The following FSTL5 variants were observed in gnomAD, a reference collection of about 807,000 sequenced individuals.
FSTL5 encodes the protein follistatin-related protein 5.
A neutral mutation model predicts 89.1 loss-of-function variants in FSTL5; 62 were observed. That is an observed-to-expected ratio of 0.70 (90% CI 0.57 to 0.86). The LOEUF (loss-of-function observed/expected upper bound fraction) is 0.86, where lower values mean the gene tolerates loss of function less well. Among genes scored for constraint, FSTL5 ranks in the 40% least tolerant of loss-of-function variants. FSTL5 has a pLI of 0.00. For synonymous variants in FSTL5, 383 were observed against 346.2 expected, an observed-to-expected ratio of 1.11 and a Z score of -1.18; for missense variants, 1,057 against 1,001.6, an observed-to-expected ratio of 1.06 and a Z score of -0.75.
intron 4 of FSTL5, among the ~76,000 whole-genome samples, chr4:161,778,720 C>T (rs1741512301): frequency 6.6e-6 from 1 of 152,158 alleles, no homozygotes; most frequent in African/African-American, 2.4e-5. Context: ...AATATGTTTT[C>T]ATAACAGCAA....
At chr4:162,114,974 G>A (rs918864042) in intron 1 of FSTL5, among the ~76,000 whole-genome samples, 1 of 152,052 alleles carries the variant, frequency 6.6e-6, no homozygotes, top group Non-Finnish European at 1.5e-5. Flanking sequence ...TTTATGATAT[G>A]ACTGGATTGA....
chr4:161,521,345 TACTC>T (rs1731013695), intron 10 of FSTL5, among the ~76,000 whole-genome samples: 1 of 152,102 alleles, frequency 6.6e-6, no homozygotes, highest in Non-Finnish European at 1.5e-5. Flanking sequence ...TTCCTGTAAT[TACTC>T]ACATACATCT....
chr4:161,775,915 T>C lies in FSTL5; in HGVS notation c.569A>G (p.Asp190Gly). Residue 190 changes from aspartate to glycine, a missense_variant, in exon 5 of 16, where the codon GAC becomes GGC. By Grantham distance (94) the Asp-to-Gly change is moderately conservative. Coordinates refer to ENST00000306100, the MANE Select transcript of FSTL5 (RefSeq NM_020116.5). ...ATTAATATCTACAAGTCCATTACTG[T>C]CTGCATCAAAATATTTAAACATTTG... ...VDQMFKYFDA[D>G]SNGLVDINEL... 1 of 1,598,032 alleles carries C rather than the reference T, an allele frequency of 6.3e-7. No individual in the cohort carries two copies. The highest frequency in any genetic ancestry group is 8.5e-7 in the Non-Finnish European group (1 of 1,172,642).
chr4:162,051,363 A>T (rs1738373828), intron 2 of FSTL5, among the ~76,000 whole-genome samples: 1 of 151,584 alleles, frequency 6.6e-6, no homozygotes, highest in African/African-American at 2.4e-5. Flanking sequence ...ATAGATCAAC[A>T]AATTGTTTTG....
chr4:161,882,732 TTC>T (rs1236670884), intron 4 of FSTL5, among the ~76,000 whole-genome samples: 1 of 152,136 alleles, frequency 6.6e-6, no homozygotes, highest in African/African-American at 2.4e-5. Flanking sequence ...TCTGCATTTT[TTC>T]TTTTACACCA....
At chr4:161,730,826 C>T (rs372673941) in intron 6 of FSTL5, among the ~76,000 whole-genome samples, 37 of 152,230 alleles carry the variant, frequency 2.4e-4, no homozygotes, top group Admixed American at 2.0e-3. Flanking sequence ...AACATTGAAA[C>T]ACCAAGTATC....
At chr4:161,447,012 T>A (rs1452786669) in intron 15 of FSTL5, among the ~76,000 whole-genome samples, 2 of 152,062 alleles carry the variant, frequency 1.3e-5, no homozygotes, top group African/African-American at 4.8e-5. Flanking sequence ...TAGCTGTCTC[T>A]TAAGAGAATA....
intron 7 of FSTL5, among the ~76,000 whole-genome samples, chr4:161,634,433 G>C (rs1163623768): frequency 6.6e-6 from 1 of 152,146 alleles, no homozygotes; most frequent in Non-Finnish European, 1.5e-5. Context: ...CAAGATATCT[G>C]CACCTTCAAT....
chr4:161,849,778 C>T (rs1228798355), intron 4 of FSTL5, among the ~76,000 whole-genome samples: 3 of 152,062 alleles, frequency 2.0e-5, no homozygotes, highest in African/African-American at 7.2e-5. Context: ...ATGTCTTTAG[C>T]GATACTGTCA....
intron 4 of FSTL5, among the ~76,000 whole-genome samples, chr4:161,855,249 G>A (rs971700592): frequency 7.2e-5 from 11 of 152,046 alleles, no homozygotes; most frequent in Non-Finnish European, 1.6e-4. Flanking sequence ...GGGCAATACT[G>A]CCATAAGGTG....
intron 3 of FSTL5, among the ~76,000 whole-genome samples, chr4:161,978,847 A>G (rs1351122719): frequency 1.3e-5 from 2 of 152,112 alleles, no homozygotes; most frequent in Non-Finnish European, 2.9e-5. Context: ...TATAGAAGTG[A>G]TATTATTGCC....
At chr4:161,439,252 A>G (rs1481473316) in intron 15 of FSTL5, among the ~76,000 whole-genome samples, 1 of 152,232 alleles carries the variant, frequency 6.6e-6, no homozygotes, top group Admixed American at 6.5e-5. Context: ...TACAGAACAA[A>G]CAAACAAATG....
chr4:161,647,547 A>G (rs1227708710), intron 7 of FSTL5, among the ~76,000 whole-genome samples: 1 of 151,444 alleles, frequency 6.6e-6, no homozygotes, highest in East Asian at 1.9e-4. Flanking sequence ...AGATTTTGGT[A>G]AGGATTAAAC....
chr4:162,111,699 A>C (rs1295606037), intron 1 of FSTL5, among the ~76,000 whole-genome samples: 2 of 152,172 alleles, frequency 1.3e-5, no homozygotes, highest in Non-Finnish European at 2.9e-5. Flanking sequence ...GGTTGAAAGA[A>C]AAGGGGAAAA....
At chr4:161,528,321 T>C (rs1017803209) in intron 10 of FSTL5, among the ~76,000 whole-genome samples, 10 of 143,120 alleles carry the variant, frequency 7.0e-5, no homozygotes, top group African/African-American at 2.5e-4. Flanking sequence ...TAAAAATAAA[T>C]AAATTTCACA....
chr4:161,504,090 A>T (rs1177098213), intron 11 of FSTL5, among the ~76,000 whole-genome samples: 1 of 152,064 alleles, frequency 6.6e-6, no homozygotes, highest in African/African-American at 2.4e-5. Context: ...AAATGTAAAC[A>T]ATGTTTTACC....
intron 7 of FSTL5, among the ~76,000 whole-genome samples, chr4:161,624,318 T>C (rs993317066): frequency 2.6e-5 from 4 of 152,004 alleles, no homozygotes; most frequent in African/African-American, 9.7e-5. Context: ...AGGATCACTA[T>C]TTTTTGACAT....
intron 1 of FSTL5, among the ~76,000 whole-genome samples, chr4:162,141,106 C>CTTTTTTTT (rs3032092): frequency 9.1e-5 from 4 of 44,008 alleles, no homozygotes; most frequent in East Asian, 7.8e-4. Context: ...TCCCTTCTCT[C>CTTTTTTTT]TTTTTTTTTT....
intron 15 of FSTL5, chr4:161,387,216 A>T (rs1355257961): frequency 6.6e-6 from 1 of 152,094 alleles, no homozygotes; most frequent in African/African-American, 2.4e-5. Context: ...GTTAAACAAG[A>T]TACAATGAGA....
Sources: gnomAD v4.1 joint callset for allele counts (sites outside exome capture counted in the v4.1 genomes callset) on GRCh38, gnomAD v4.1.1 for gene constraint, MANE v1.5 for transcripts, NCBI Gene and HGNC (gene_info 2026-07-23, HGNC 2026-07-21) for gene names.